The following TMEM132B variants were observed in gnomAD, a reference collection of about 807,000 sequenced individuals.
TMEM132B encodes transmembrane protein 132B.
A neutral mutation model predicts 90.8 loss-of-function variants in TMEM132B; 18 were observed. The observed-to-expected ratio is 0.20, with a 90% CI of 0.14 to 0.29. The LOEUF (loss-of-function observed/expected upper bound fraction) is 0.29, where lower values mean the gene tolerates loss of function less well. Ranked by LOEUF, TMEM132B falls within the 10% of genes least tolerant of loss-of-function variation. The pLI, the probability that TMEM132B is intolerant of heterozygous loss-of-function variation, is 1.00. For missense variants in TMEM132B, 1,096 were observed against 1,326.8 expected (o/e 0.83, Z 2.70); for synonymous variants, 504 against 523.3 (o/e 0.96, Z 0.50).
At chr12:125,448,593 C>A (rs1472964882) in intron 3 of TMEM132B, among the ~76,000 whole-genome samples, 1 of 152,170 alleles carries the variant, frequency 6.6e-6, no homozygotes, top group Non-Finnish European at 1.5e-5. Flanking sequence ...ATTGTCTATT[C>A]ACCTGTTCAT....
chr12:125,577,885 T>A (rs1319259809), intron 4 of TMEM132B, among the ~76,000 whole-genome samples: 1 of 152,128 alleles, frequency 6.6e-6, no homozygotes, highest in Non-Finnish European at 1.5e-5. Context: ...AGAGGATTGT[T>A]TAATTTCCGA....
chr12:125,464,395 G>A (rs1454391087), intron 3 of TMEM132B, among the ~76,000 whole-genome samples: 1 of 152,098 alleles, frequency 6.6e-6, no homozygotes, highest in East Asian at 1.9e-4. Context: ...TCCTCTGGGT[G>A]TGCCTATATC....
intron 4 of TMEM132B, among the ~76,000 whole-genome samples, chr12:125,537,768 A>T (rs1883847157): frequency 6.6e-6 from 1 of 152,202 alleles, no homozygotes; most frequent in South Asian, 2.1e-4. Flanking sequence ...TAAAGCACAG[A>T]GTTAGGAACA....
rs151194252 is a variant in TMEM132B, at chr12:125,514,934, A to G, written c.1107-4505A>G. Among the ~76,000 whole-genome samples the G allele has an allele frequency of 5.8e-4, 89 of 152,238 alleles. 1 individual carries two copies. The highest frequency in any genetic ancestry group is 1.1e-3 in the Non-Finnish European group (76 of 68,022). On this transcript the variant is annotated intron_variant, in intron 3 of 8. Transcript: ENST00000682704. ...CTGAGCTGCAGCCACACTGTGCACT[A>G]AAAGGTGCCTCAGCCCCTCCTCAGG...
At chr12:125,256,847 G>A (rs1273217310) in intron 1 of TMEM132B, among the ~76,000 whole-genome samples, 1 of 152,182 alleles carries the variant, frequency 6.6e-6, no homozygotes, top group African/African-American at 2.4e-5. Context: ...CCTCTTCTGG[G>A]TAACTTTTCT....
At chr12:125,301,990 A>G (rs189808804) in intron 1 of TMEM132B, 1 of 152,350 alleles carries the variant, frequency 6.6e-6, no homozygotes, top group Admixed American at 6.5e-5. Flanking sequence ...TCATGAGGTC[A>G]AAGAGTTCGA....
At chr12:125,584,879 T>C (rs1218933541) in intron 5 of TMEM132B, 1 of 152,230 alleles carries the variant, frequency 6.6e-6, no homozygotes, top group Non-Finnish European at 1.5e-5. Flanking sequence ...CTTTAAATTA[T>C]TAAGAGAGCC....
chr12:125,306,631 A>G (rs1875976214), intron 1 of TMEM132B, among the ~76,000 whole-genome samples: 1 of 152,206 alleles, frequency 6.6e-6, no homozygotes, highest in South Asian at 2.1e-4. Context: ...ATATATTCAG[A>G]AATTAACTCC....
At chr12:125,479,685 C>T (rs1002748131) in intron 3 of TMEM132B, among the ~76,000 whole-genome samples, 1 of 152,058 alleles carries the variant, frequency 6.6e-6, no homozygotes, top group Non-Finnish European at 1.5e-5. Context: ...ACCCCACTGT[C>T]AATATTAGAT....
intron 5 of TMEM132B, among the ~76,000 whole-genome samples, chr12:125,642,834 T>A (rs186757938): frequency 2.0e-5 from 3 of 152,232 alleles, no homozygotes; most frequent in Non-Finnish European, 4.4e-5. Context: ...AAGTGTCCCA[T>A]TAGCTATTTT....
In TMEM132B at chr12:125,255,014, GTGACGAGGAGGT is replaced by G. The variant is rs1295769999; in HGVS notation, c.67+68153_67+68164del. Among the ~76,000 whole-genome samples, 4 of 152,318 alleles carry G rather than the reference GTGACGAGGAGGT, an allele frequency of 2.6e-5. No individual in the cohort carries two copies. In the East Asian group the frequency reaches 7.7e-4, roughly 29 times the overall value. On this transcript the variant is annotated intron_variant, in intron 1 of 8. Transcript: ENST00000682704. ...CTTCCTACTTTAAACGATGGGGACT[GTGACGAGGAGGT>G]TGACAGGAAGCTCTCCTCCTCTTTG... is the stretch of plus-strand genomic sequence containing the variant.
intron 1 of TMEM132B, among the ~76,000 whole-genome samples, chr12:125,339,839 C>T (rs1230579484): frequency 6.6e-6 from 1 of 152,176 alleles, no homozygotes; most frequent in African/African-American, 2.4e-5. Flanking sequence ...TTGAAAGACC[C>T]TGTCCCAAAA....
Position 125,513,210 on chromosome 12 carries a change from C to CTTCATTCATTCA in TMEM132B, c.1107-6220_1107-6209dup, listed in dbSNP as rs5801605. On this transcript the variant is annotated intron_variant, in intron 3 of 8. Coordinates refer to ENST00000682704, the MANE Select transcript of TMEM132B (RefSeq NM_001366854.1). ...ACCCGCTCAAACTGTGTTTAACACT[C>CTTCATTCATTCA]TTCATTCATTCATTCATTCAACAGA... Among the ~76,000 whole-genome samples, 47 of 151,686 alleles carry CTTCATTCATTCA rather than the reference C, an allele frequency of 3.1e-4. 1 individual carries two copies. The highest frequency in any genetic ancestry group is 1.0e-3 in the South Asian group (5 of 4,820).
chr12:125,231,039 C>T (rs1873809027), intron 1 of TMEM132B, among the ~76,000 whole-genome samples: 3 of 152,116 alleles, frequency 2.0e-5, no homozygotes, highest in Admixed American at 2.0e-4. Flanking sequence ...TTCTGGAGGC[C>T]AGAATTCAGA....
chr12:125,567,474 A>G (rs994705893), intron 4 of TMEM132B, among the ~76,000 whole-genome samples: 1 of 151,964 alleles, frequency 6.6e-6, no homozygotes, highest in African/African-American at 2.4e-5. Flanking sequence ...CGCTTCATCC[A>G]TCGGTCCATG....
chr12:125,414,982 C>T (rs550937276), intron 2 of TMEM132B, among the ~76,000 whole-genome samples: 2 of 152,260 alleles, frequency 1.3e-5, no homozygotes, highest in East Asian at 1.9e-4. Flanking sequence ...GAACATTGTA[C>T]CAGGCAGCAT....
rs540782575 is a variant in TMEM132B, at chr12:125,302,825, G to C, written c.68-46627G>C. ...TATATCCATTAAGCAGGCTGGGTGCGGTGGCTCATGCCTGTAATCCCAGCA... is the reference window on the plus strand; with the variant it reads ...TATATCCATTAAGCAGGCTGGGTGCCGTGGCTCATGCCTGTAATCCCAGCA... On this transcript the variant is annotated intron_variant, in intron 1 of 8. Transcript: ENST00000682704. 1.6e-3 allele frequency among the ~76,000 whole-genome samples: 246 copies of C among 152,220 alleles called. 1 individual carries two copies. Among genetic ancestry groups the C allele is most frequent in the African/African-American group, 5.4e-3 (225 of 41,552 alleles).
Position 125,313,902 on chromosome 12 carries a change from G to A in TMEM132B, c.68-35550G>A, listed in dbSNP as rs570758332. On this transcript the variant is annotated intron_variant, in intron 1 of 8. Transcript: ENST00000682704. ...ACCGGGCCCCGCATATGACCTAGCCGGTCCTGTGTGTCGCCAAAGTGTCTG... is the reference window on the plus strand; with the variant it reads ...ACCGGGCCCCGCATATGACCTAGCCAGTCCTGTGTGTCGCCAAAGTGTCTG... Among the ~76,000 whole-genome samples, 66 of 151,424 alleles carry A rather than the reference G, an allele frequency of 4.4e-4. 3 individuals carry two copies. In the South Asian group the frequency reaches 0.011, roughly 26 times the overall value.
In TMEM132B at chr12:125,644,399, G is replaced by A. The variant is rs756614662; in HGVS notation, c.1643+118G>A. On this transcript the variant is annotated intron_variant, in intron 6 of 8. Coordinates refer to ENST00000682704, the MANE Select transcript of TMEM132B (RefSeq NM_001366854.1). ...GGAAGCAACATCCACAGCGGGAAGC[G>A]TGGTCTGGGCTTTGGGTTCAGATGG... 582 of 1,138,598 alleles carry A rather than the reference G, an allele frequency of 5.1e-4. 3 individuals are homozygous for A. Among genetic ancestry groups the A allele is most frequent in the Admixed American group, 6.4e-4 (28 of 43,798 alleles). The allele number at this position is 1,138,598 out of a possible 1,614,324, so 70.5% of individuals were successfully genotyped here.
Sources: gnomAD v4.1 joint callset for allele counts (sites outside exome capture counted in the v4.1 genomes callset) on GRCh38, gnomAD v4.1.1 for gene constraint, MANE v1.5 for transcripts, NCBI Gene and HGNC (gene_info 2026-07-23, HGNC 2026-07-21) for gene names.